Variants in ZBTB20 observed in about 807,000 individuals in gnomAD.
The protein encoded by ZBTB20 is zinc finger and BTB domain-containing protein 20.
ZBTB20 carries 9 observed loss-of-function variants against 56.9 expected under a neutral mutation model. The observed-to-expected ratio is 0.16, with a 90% CI of 0.10 to 0.28. The LOEUF (loss-of-function observed/expected upper bound fraction) is 0.28. Ranked by LOEUF, ZBTB20 falls within the 10% of genes least tolerant of loss-of-function variation. The probability of loss-of-function intolerance (pLI) is 1.00; values close to 1 mark genes in which losing one functional copy is unlikely to be tolerated. For synonymous variants in ZBTB20, 417 were observed against 420.7 expected (o/e 0.99, Z 0.11); for missense variants, 655 against 1,003.0 (o/e 0.65, Z 4.69).
At chr3:114,509,375 G>A (rs1433760136) in intron 6 of ZBTB20, among the ~76,000 whole-genome samples, 1 of 147,806 alleles carries the variant, frequency 6.8e-6, no homozygotes, top group African/African-American at 2.5e-5. Flanking sequence ...TCTACATTCA[G>A]TTTTTTTCAC....
At chr3:114,605,747 C>A (rs145275273) in intron 6 of ZBTB20, among the ~76,000 whole-genome samples, 14 of 151,904 alleles carry the variant, frequency 9.2e-5, no homozygotes, top group African/African-American at 3.4e-4. Context: ...GGAGTGGGTG[C>A]CTTAGCTGAA....
chr3:114,630,709 T>A (rs2107828047), intron 6 of ZBTB20, among the ~76,000 whole-genome samples: 1 of 152,304 alleles, frequency 6.6e-6, no homozygotes, highest in Non-Finnish European at 1.5e-5. Context: ...CTGCAACGTC[T>A]CCCTACCTTC....
At chr3:115,099,178 G>T (rs2083488036) in intron 1 of ZBTB20, among the ~76,000 whole-genome samples, 1 of 151,916 alleles carries the variant, frequency 6.6e-6, no homozygotes, top group Admixed American at 6.6e-5. Context: ...AGAAATAAAG[G>T]AAAAGAAAGC....
chr3:114,684,347 G>A lies in ZBTB20; in HGVS notation c.-295+9181C>T, dbSNP rs188919542. On this transcript the variant is annotated intron_variant, in intron 6 of 11. Coordinates refer to ENST00000675478, the MANE Select transcript of ZBTB20 (RefSeq NM_001348800.3). ...AATGGGGCCTATTGAAAATTTTTCT[G>A]ACATTCTGAATTCATAGCATTAAGA... is the stretch of plus-strand genomic sequence containing the variant. Among the ~76,000 whole-genome samples the A allele has an allele frequency of 9.2e-5, 14 of 152,216 alleles. 1 individual carries two copies. Among genetic ancestry groups the A allele is most frequent in the Admixed American group, 9.2e-4 (14 of 15,292 alleles).
intron 10 of ZBTB20, chr3:114,359,279 T>C (rs1456717630): frequency 2.0e-5 from 3 of 152,216 alleles, no homozygotes; most frequent in African/African-American, 4.8e-5. Context: ...TCACACTATA[T>C]GCTTTATGAA....
chr3:115,145,603 C>A (rs1248892834), intron 1 of ZBTB20, among the ~76,000 whole-genome samples: 1 of 152,106 alleles, frequency 6.6e-6, no homozygotes, highest in African/African-American at 2.4e-5. Context: ...ATCTATTCCC[C>A]CACACCCAAA....
intron 2 of ZBTB20, among the ~76,000 whole-genome samples, chr3:115,015,759 G>C (rs1445014399): frequency 1.3e-5 from 2 of 151,752 alleles, no homozygotes; most frequent in East Asian, 3.9e-4. Flanking sequence ...CTGTTATTGT[G>C]AATACTGCTG....
At chr3:114,570,414 AAT>A (rs907371785) in intron 6 of ZBTB20, among the ~76,000 whole-genome samples, 9 of 150,810 alleles carry the variant, frequency 6.0e-5, no homozygotes, top group Non-Finnish European at 1.2e-4. Flanking sequence ...TGTATAATAC[AAT>A]ATGATATATT....
chr3:114,640,659 C>A (rs2059510507), intron 6 of ZBTB20, among the ~76,000 whole-genome samples: 1 of 151,946 alleles, frequency 6.6e-6, no homozygotes, highest in Non-Finnish European at 1.5e-5. Flanking sequence ...TATGGGGTTA[C>A]CCTGTATATA....
chr3:114,694,856 T>C (rs973579205), intron 5 of ZBTB20, among the ~76,000 whole-genome samples: 3 of 152,112 alleles, frequency 2.0e-5, no homozygotes, highest in Non-Finnish European at 2.9e-5. Flanking sequence ...GCTTCTTTTA[T>C]AAAGGCAGAA....
At chr3:114,877,789 A>G (rs2076253432) in intron 4 of ZBTB20, among the ~76,000 whole-genome samples, 1 of 151,840 alleles carries the variant, frequency 6.6e-6, no homozygotes. Flanking sequence ...TTTTTTTTCT[A>G]AACTAAATAT....
intron 4 of ZBTB20, among the ~76,000 whole-genome samples, chr3:114,892,634 T>C (rs1482484225): frequency 7.4e-6 from 1 of 134,948 alleles, no homozygotes; most frequent in Non-Finnish European, 1.6e-5. Context: ...GTTTTGGCAC[T>C]TCTCTCACTC....
rs1358803505 is a variant in ZBTB20 at position 114,592,896 on chromosome 3, T to C, written c.-294-92505A>G. 3.3e-5 allele frequency among the ~76,000 whole-genome samples: 5 copies of C among 152,322 alleles called. No individual in the cohort carries two copies. In the South Asian group the frequency reaches 8.3e-4, roughly 25 times the overall value. ...CATTCACAATCTATTCTACTCTTAG[T>C]ATATAATTTGAACAGATTCACATAC... On this transcript the variant is annotated intron_variant, in intron 6 of 11. Transcript: ENST00000675478.
At position 114,357,342 on chromosome 3, in the gene ZBTB20, A is replaced by C. The variant is rs1347864481; in HGVS notation, c.200-5464T>G. 1.2e-4 allele frequency: 18 copies of C among 152,292 alleles called. No individual in the cohort carries two copies. In the East Asian group the frequency reaches 2.7e-3, roughly 23 times the overall value. The allele number at this position is 152,292 out of a possible 1,614,324, so 9.4% of individuals were successfully genotyped here. A position where few individuals can be genotyped will look rare whatever the true frequency, so the allele number is the denominator to read the frequency against. On this transcript the variant is annotated intron_variant, in intron 10 of 11. Transcript: ENST00000675478. ...TGTTTGCAGGAATGGCTACCTATGA[A>C]AGTTGGGGACTAGCTGGATGTGCTT... is the stretch of plus-strand genomic sequence containing the variant.
At chr3:114,834,040 T>G (rs2073995090) in intron 4 of ZBTB20, among the ~76,000 whole-genome samples, 1 of 152,152 alleles carries the variant, frequency 6.6e-6, no homozygotes, top group Non-Finnish European at 1.5e-5. Context: ...TAGATTGCAC[T>G]GATATAGTAA....
intron 6 of ZBTB20, among the ~76,000 whole-genome samples, chr3:114,649,089 G>A (rs1057358221): frequency 6.6e-6 from 1 of 151,920 alleles, no homozygotes; most frequent in Non-Finnish European, 1.5e-5. Context: ...TTACCCCACA[G>A]TTTAATTTGA....
chr3:115,133,446 G>A (rs550060265), intron 1 of ZBTB20, among the ~76,000 whole-genome samples: 9 of 151,978 alleles, frequency 5.9e-5, no homozygotes, highest in South Asian at 2.1e-4. Flanking sequence ...AGTGACATTC[G>A]CAAGGTTGTA....
chr3:115,101,698 A>G (rs2083589093), intron 1 of ZBTB20, among the ~76,000 whole-genome samples: 1 of 152,242 alleles, frequency 6.6e-6, no homozygotes, highest in Admixed American at 6.5e-5. Context: ...AAATATTTAC[A>G]CACAAATAAA....
chr3:115,099,109 C>CT (rs2083484965), intron 1 of ZBTB20, among the ~76,000 whole-genome samples: 2 of 152,156 alleles, frequency 1.3e-5, no homozygotes, highest in South Asian at 4.1e-4. Flanking sequence ...TCTGGGAAAA[C>CT]TCTTCAACAA....
Sources: gnomAD v4.1 joint callset for allele counts (sites outside exome capture counted in the v4.1 genomes callset) on GRCh38, gnomAD v4.1.1 for gene constraint, MANE v1.5 for transcripts, NCBI Gene and HGNC (gene_info 2026-07-23, HGNC 2026-07-21) for gene names.